Variants in LDLRAD4 observed in about 807,000 individuals in gnomAD.
LDLRAD4 encodes low density lipoprotein receptor class A domain containing 4, also known as low-density lipoprotein receptor class A domain-containing protein 4.
Under a neutral mutation model 17.0 loss-of-function variants are expected in LDLRAD4, and 5 were observed. The ratio of observed to expected loss-of-function variants is 0.29; its 90% CI spans 0.15 to 0.62. The LOEUF (loss-of-function observed/expected upper bound fraction) is 0.62. Among genes scored for constraint, LDLRAD4 ranks in the 20% least tolerant of loss-of-function variants. The probability of loss-of-function intolerance (pLI) is 0.84; values close to 1 mark genes in which losing one functional copy is unlikely to be tolerated. For synonymous variants in LDLRAD4, 168 were observed against 171.8 expected (o/e 0.98, Z 0.17); for missense variants, 340 against 424.7 (o/e 0.80, Z 1.75).
At chr18:13,280,713 GCA>G (rs2045216320) in intron 1 of LDLRAD4, among the ~76,000 whole-genome samples, 1 of 152,226 alleles carries the variant, frequency 6.6e-6, no homozygotes, top group Non-Finnish European at 1.5e-5. Flanking sequence ...CTGGCTGTCA[GCA>G]CAGACTGGAA....
At chr18:13,341,999 G>A (rs1439441490) in intron 1 of LDLRAD4, among the ~76,000 whole-genome samples, 2 of 151,962 alleles carry the variant, frequency 1.3e-5, no homozygotes, top group Non-Finnish European at 2.9e-5. Flanking sequence ...ATGATCATAT[G>A]GTGTTTGTTC....
At chr18:13,556,670 TG>T (rs947267798) in intron 3 of LDLRAD4, among the ~76,000 whole-genome samples, 1 of 152,142 alleles carries the variant, frequency 6.6e-6, no homozygotes, top group Non-Finnish European at 1.5e-5. Context: ...GGAGTGTCCA[TG>T]GGTAAACAAA....
intron 3 of LDLRAD4, among the ~76,000 whole-genome samples, chr18:13,516,798 G>A (rs1015566629): frequency 3.3e-4 from 51 of 152,272 alleles, no homozygotes; most frequent in African/African-American, 1.2e-3. Context: ...AAGGAGAGTG[G>A]CCTTATATCA....
chr18:13,229,799 TTG>T (rs1485480596), intron 1 of LDLRAD4, among the ~76,000 whole-genome samples: 2 of 152,234 alleles, frequency 1.3e-5, no homozygotes, highest in Admixed American at 1.3e-4. Context: ...AGACATGGCT[TTG>T]TCGCCAAACT....
chr18:13,392,875 C>T (rs1051072087), intron 2 of LDLRAD4, among the ~76,000 whole-genome samples: 12 of 152,216 alleles, frequency 7.9e-5, no homozygotes, highest in African/African-American at 2.4e-4. Flanking sequence ...AAGGTTATTT[C>T]GCTCATAAAG....
intron 1 of LDLRAD4, among the ~76,000 whole-genome samples, chr18:13,256,762 C>G (rs2043526426): frequency 6.6e-6 from 1 of 152,162 alleles, no homozygotes; most frequent in African/African-American, 2.4e-5. Flanking sequence ...AAGAGAGAGC[C>G]TCTCTTTCCT....
chr18:13,417,040 C>T (rs2088963670), intron 2 of LDLRAD4, among the ~76,000 whole-genome samples: 1 of 152,172 alleles, frequency 6.6e-6, no homozygotes, highest in Non-Finnish European at 1.5e-5. Flanking sequence ...GTAGAGCCAG[C>T]TTCGAAATCC....
At chr18:13,496,984 T>G (rs2093482486) in intron 3 of LDLRAD4, among the ~76,000 whole-genome samples, 1 of 152,190 alleles carries the variant, frequency 6.6e-6, no homozygotes. Flanking sequence ...TAACAAAACC[T>G]AAGAAATGCG....
intron 2 of LDLRAD4, among the ~76,000 whole-genome samples, chr18:13,432,267 A>G (rs915127473): frequency 6.6e-5 from 10 of 152,240 alleles, no homozygotes; most frequent in South Asian, 2.1e-4. Context: ...TCAAAGCTTT[A>G]TCTTCATAAT....
chr18:13,358,051 A>C (rs541747752), intron 1 of LDLRAD4, among the ~76,000 whole-genome samples: 2 of 152,116 alleles, frequency 1.3e-5, no homozygotes, highest in South Asian at 4.2e-4. Flanking sequence ...CTTCTTTGCT[A>C]TTGGGTATGA....
chr18:13,495,117 G>C (rs1328020303), intron 3 of LDLRAD4, among the ~76,000 whole-genome samples: 1 of 152,116 alleles, frequency 6.6e-6, no homozygotes, highest in Non-Finnish European at 1.5e-5. Context: ...ACATATATGG[G>C]ACTATTCAGA....
At chr18:13,249,264 C>T (rs1056505968) in intron 1 of LDLRAD4, among the ~76,000 whole-genome samples, 4 of 152,242 alleles carry the variant, frequency 2.6e-5, no homozygotes, top group East Asian at 1.9e-4. Context: ...GGGTAAATGC[C>T]GAGTAGCAGG....
chr18:13,277,462 A>G (rs1187500253), upstream of LDLRAD4, among the ~76,000 whole-genome samples: 1 of 152,200 alleles, frequency 6.6e-6, no homozygotes, highest in Non-Finnish European at 1.5e-5. Context: ...TGGGATGGGG[A>G]TGCCAGTGAC....
exon 6 of LDLRAD4, chr18:13,649,289 T>C (rs2149031516): frequency 6.6e-6 from 1 of 152,332 alleles, no homozygotes; most frequent in East Asian, 1.9e-4. Context: ...TTCATAAGAA[T>C]GAGAAAGGCT....
chr18:13,421,592 G>A (rs1473386591), intron 2 of LDLRAD4, among the ~76,000 whole-genome samples: 1 of 152,148 alleles, frequency 6.6e-6, no homozygotes, highest in African/African-American at 2.4e-5. Context: ...TCTGGTAGCC[G>A]AGAATAGAAG....
intron 3 of LDLRAD4, chr18:13,615,637 A>G (rs1418084218): frequency 6.6e-6 from 1 of 152,278 alleles, no homozygotes; most frequent in Admixed American, 6.5e-5. Flanking sequence ...CCATAAAAAT[A>G]GAGAGATGCC....
chr18:13,454,213 A>G (rs1056516791), intron 3 of LDLRAD4, among the ~76,000 whole-genome samples: 6 of 152,232 alleles, frequency 3.9e-5, no homozygotes, highest in African/African-American at 9.6e-5. Flanking sequence ...CAATGATAAC[A>G]GGGTGCAGTC....
At chr18:13,324,509 A>G (rs751160169) in intron 1 of LDLRAD4, among the ~76,000 whole-genome samples, 6 of 152,122 alleles carry the variant, frequency 3.9e-5, no homozygotes, top group Non-Finnish European at 7.4e-5. Context: ...AGGACCTTCT[A>G]TGCGCAGAGA....
At chr18:13,354,908 A>G (rs2083248790) in intron 1 of LDLRAD4, among the ~76,000 whole-genome samples, 1 of 152,166 alleles carries the variant, frequency 6.6e-6, no homozygotes, top group Admixed American at 6.5e-5. Flanking sequence ...CAGTGTCACC[A>G]ACACTCATCT....
Sources: gnomAD v4.1 joint callset for allele counts (sites outside exome capture counted in the v4.1 genomes callset) on GRCh38, gnomAD v4.1.1 for gene constraint, MANE v1.5 for transcripts, NCBI Gene and HGNC (gene_info 2026-07-23, HGNC 2026-07-21) for gene names.